Variants in WDR35 observed in about 807,000 individuals in gnomAD.
WDR35 encodes WD repeat-containing protein 35.
Under a neutral mutation model 158.3 loss-of-function variants are expected in WDR35, and 118 were observed. The ratio of observed to expected loss-of-function variants is 0.75; its 90% CI spans 0.64 to 0.87. The LOEUF (loss-of-function observed/expected upper bound fraction) is 0.87, where lower values mean the gene tolerates loss of function less well. Ranked by LOEUF, WDR35 falls within the 40% of genes least tolerant of loss-of-function variation. The pLI is 0.00. For synonymous variants in WDR35, 448 were observed against 476.1 expected (o/e 0.94, Z 0.77); for missense variants, 1,263 against 1,405.8 (o/e 0.90, Z 1.62).
rs956455916 is a variant in WDR35, at chr2:19,945,881, C to T, written c.1750G>A (p.Asp584Asn). ...TTGGCCCACTTCATATCCCAGACAT[C>T]TCTTCGTTCCAATTTTAACAACTCT... ...VGELLKLERRDVWDMKWAKDN... is the reference protein window; with the variant it reads ...VGELLKLERRNVWDMKWAKDN... Residue 584 changes from aspartate (D) to asparagine (N), a missense_variant, in exon 16 of 27, where the codon GAT (aspartate) becomes AAT (asparagine). By Grantham distance (23) the Asp-to-Asn change is conservative. Transcript: ENST00000281405. 6.2e-7 allele frequency: 1 copy of T among 1,614,036 alleles called. No individual in the cohort carries two copies. The highest frequency in any genetic ancestry group is 8.5e-7 in the Non-Finnish European group (1 of 1,179,910).
At chr2:19,919,390 A>G (rs1486822870) in intron 25 of WDR35, among the ~76,000 whole-genome samples, 6 of 148,468 alleles carry the variant, frequency 4.0e-5, no homozygotes, top group Non-Finnish European at 6.0e-5. Context: ...CAAAAAAAAA[A>G]AAAAAAAAGA....
chr2:19,978,747 T>G lies in WDR35; in HGVS notation c.436+4A>C. On this transcript the variant is annotated splice_donor_region_variant and intron_variant, in intron 5 of 26. Transcript: ENST00000281405. The stretch of plus-strand genomic sequence containing the variant: ...CTTAGTTCTATGTCCAATCAATACA[T>G]TACCATCCACTGAACCAACTATCAC... 6.2e-7 allele frequency: 1 copy of G among 1,613,752 alleles called. No individual in the cohort carries two copies. Among genetic ancestry groups the G allele is most frequent in the Non-Finnish European group, 8.5e-7 (1 of 1,179,780 alleles).
At chr2:19,919,076 C>T (rs1670078094) in intron 25 of WDR35, among the ~76,000 whole-genome samples, 1 of 152,086 alleles carries the variant, frequency 6.6e-6, no homozygotes, top group Non-Finnish European at 1.5e-5. Context: ...CAAATTAGAA[C>T]TCAGGATTAA....
chr2:19,964,222 G>A (rs190191750), intron 10 of WDR35, among the ~76,000 whole-genome samples: 17 of 152,148 alleles, frequency 1.1e-4, no homozygotes, highest in African/African-American at 3.6e-4. Flanking sequence ...CTACAATGAT[G>A]TGTCTCAATG....
intron 2 of WDR35, among the ~76,000 whole-genome samples, chr2:19,988,619 C>A (rs535367722): frequency 6.6e-6 from 1 of 152,188 alleles, no homozygotes; most frequent in South Asian, 2.1e-4. Flanking sequence ...ATTACCTTAT[C>A]TAGGTCTTCA....
chr2:19,960,495 A>G (rs1671611252), intron 11 of WDR35, 59 bp downstream of exon 11: 1 of 1,374,416 alleles, frequency 7.3e-7, no homozygotes, highest in African/African-American at 1.4e-5. Flanking sequence ...TTAGGTTTTT[A>G]AATTAGTGTT....
intron 8 of WDR35, among the ~76,000 whole-genome samples, chr2:19,971,084 G>A (rs1044988921): frequency 5.3e-5 from 8 of 151,764 alleles, no homozygotes; most frequent in East Asian, 1.9e-4. Context: ...CCAAATTAAC[G>A]AGTGAATAAA....
intron 25 of WDR35, among the ~76,000 whole-genome samples, chr2:19,920,695 C>T (rs1482882538): frequency 5.3e-5 from 8 of 152,158 alleles, no homozygotes; most frequent in Non-Finnish European, 1.0e-4. Context: ...TCTCCCACCA[C>T]TCCTATTCAA....
chr2:19,973,484 TTCC>T, intron 8 of WDR35, 76 bp downstream of exon 8: 1 of 1,584,804 alleles, frequency 6.3e-7, no homozygotes, highest in Non-Finnish European at 8.7e-7. Context: ...TTTACACCGT[TTCC>T]TTTGTTATTT....
Position 19,934,374 on chromosome 2 carries a change from C to T in WDR35, c.2548-863G>A, listed in dbSNP as rs1395633063. Among the ~76,000 whole-genome samples the T allele has an allele frequency of 2.0e-5, 3 of 151,972 alleles. No homozygotes were observed. The highest frequency in any genetic ancestry group is 4.8e-5 in the African/African-American group (2 of 41,392). On this transcript the variant is annotated intron_variant, in intron 21 of 26. Transcript: ENST00000281405. This position sits in a 1 kb window ranked among gnomAD's most constrained non-coding sequence, Gnocchi z 4.6. ...TGGTGCAATTTCTTAACATCTTTGTCCTTTGAATATATATGTATATGTTTG... is the reference window on the plus strand; with the variant it reads ...TGGTGCAATTTCTTAACATCTTTGTTCTTTGAATATATATGTATATGTTTG...
chr2:19,923,298 G>A (rs1271747853), intron 25 of WDR35, among the ~76,000 whole-genome samples: 2 of 152,112 alleles, frequency 1.3e-5, no homozygotes, highest in Non-Finnish European at 2.9e-5. Flanking sequence ...CAGATCAAAG[G>A]GTCGCTGGAG....
At chr2:19,929,760 A>G (rs1461691922) in intron 25 of WDR35, among the ~76,000 whole-genome samples, 2 of 152,182 alleles carry the variant, frequency 1.3e-5, no homozygotes, top group Non-Finnish European at 2.9e-5. Context: ...AGAAACATCT[A>G]AAAGGAAGTT....
Position 19,960,931 on chromosome 2 carries a change from G to C in WDR35, c.1195-317C>G, listed in dbSNP as rs143381535. 5.5e-4 allele frequency among the ~76,000 whole-genome samples: 84 copies of C among 152,214 alleles called. No individual in the cohort carries two copies. In the Middle Eastern group the frequency reaches 0.01, roughly 18 times the overall value. ...TACAAGGGGTCTTCAAAAAGTTTAT[G>C]GAAAATGTGTATTATGGAAAAAATA... On this transcript the variant is annotated intron_variant, in intron 10 of 26. Transcript: ENST00000281405.
chr2:19,973,261 A>G (rs940953211), intron 8 of WDR35, among the ~76,000 whole-genome samples: 4 of 152,152 alleles, frequency 2.6e-5, no homozygotes, highest in African/African-American at 9.6e-5. Flanking sequence ...AAAGCTGGCT[A>G]TGAAAAGAGA....
intron 25 of WDR35, among the ~76,000 whole-genome samples, chr2:19,927,990 G>C (rs946283372): frequency 1.3e-5 from 2 of 152,190 alleles, no homozygotes; most frequent in Non-Finnish European, 2.9e-5. Flanking sequence ...AATCAAAGAA[G>C]GGGGACATGT....
chr2:19,936,470 T>C, intron 19 of WDR35, 105 bp from the exon 20 acceptor site: 8 of 1,492,890 alleles, frequency 5.4e-6, no homozygotes, highest in Non-Finnish European at 7.4e-6. Context: ...TACACAGCAG[T>C]GGACAATGTG....
chr2:19,911,080 T>A lies in WDR35; in HGVS notation c.*2478A>T, dbSNP rs940340579. 2.0e-5 allele frequency: 3 copies of A among 152,190 alleles called. No individual in the cohort carries two copies. The highest frequency in any genetic ancestry group is 7.2e-5 in the African/African-American group (3 of 41,442). 9.4% of individuals were successfully genotyped at this position (152,190 alleles called of 1,614,324 possible). ...CAACTAGATCCAGCAACTTAGGATC[T>A]ACCTGGAATAATTCGTTGGTGGGAA... On this transcript the variant is annotated 3_prime_UTR_variant, in exon 27 of 27. Coordinates refer to ENST00000281405, the MANE Select transcript of WDR35 (RefSeq NM_020779.4).
At chr2:19,967,092 A>T (rs1465882236) in intron 9 of WDR35, among the ~76,000 whole-genome samples, 183 bp from the exon 10 acceptor site, 1 of 152,200 alleles carries the variant, frequency 6.6e-6, no homozygotes, top group Non-Finnish European at 1.5e-5. Context: ...AATAATAGAG[A>T]TTTATAAAAC....
At position 19,967,230 on chromosome 2, in the gene WDR35, C is replaced by A. The variant is rs113896713; in HGVS notation, c.1009-321G>T. The stretch of plus-strand genomic sequence containing the variant: ...CTGCTGGAGAGGGGACAACAGGTAG[C>A]GTGATCCCTGTCAAAGTTTCAATTC... On this transcript the variant is annotated intron_variant, in intron 9 of 26. Transcript: ENST00000281405. 3.2e-3 allele frequency among the ~76,000 whole-genome samples: 486 copies of A among 152,198 alleles called. 5 individuals are homozygous for A. The highest frequency in any genetic ancestry group is 0.011 in the African/African-American group (467 of 41,522).
Sources: allele counts gnomAD v4.1 joint callset (sites outside exome capture counted in the v4.1 genomes callset), GRCh38; gene constraint gnomAD v4.1.1; non-coding constraint Gnocchi (gnomAD v3.1); transcripts MANE v1.5; gene names NCBI Gene and HGNC (gene_info 2026-07-23, HGNC 2026-07-21).